DTX2: variants seen among roughly 807,000 people sequenced by gnomAD.
DTX2 encodes the protein probable E3 ubiquitin-protein ligase DTX2.
A neutral mutation model predicts 55.3 loss-of-function variants in DTX2; 29 were observed. The observed-to-expected ratio is 0.52, with a 90% CI of 0.39 to 0.71. The LOEUF (loss-of-function observed/expected upper bound fraction) is 0.71, where lower values mean the gene tolerates loss of function less well. Ranked by LOEUF, DTX2 falls within the 30% of genes least tolerant of loss-of-function variation. The pLI is 0.00. For missense variants in DTX2, 537 were observed against 822.5 expected (o/e 0.65, Z 4.25); for synonymous variants, 276 against 340.4 (o/e 0.81, Z 2.08).
chr7:76,477,066 A>G (rs952139367), intron 2 of DTX2: 1 of 150,056 alleles, frequency 6.7e-6, no homozygotes, highest in African/African-American at 2.5e-5. Context: ...CCCAGGAGTA[A>G]TTGGCTTGGA....
Position 76,482,729 on chromosome 7 carries a change from A to C in DTX2, c.490A>C (p.Lys164Gln), listed in dbSNP as rs148119060. ...VNYTTHTQTNKTSSFCRSVRR... is the reference protein window; with the variant it reads ...VNYTTHTQTNQTSSFCRSVRR... ...CTACACCACCCACACGCAGACCAAC[A>C]AGACTTCCAGCTTCTGCCGCAGCGT... Residue 164 changes from lysine (K) to glutamine (Q), a missense_variant, in exon 4 of 11, where the codon AAG (lysine) becomes CAG (glutamine). This residue lies in a region of DTX2 where 301 missense variants were observed against 396.6 expected (regional missense o/e 0.76). Coordinates refer to ENST00000430490, the MANE Select transcript of DTX2 (RefSeq NM_001102594.3). The C allele has an allele frequency of 1.9e-6, 3 of 1,613,712 alleles. No homozygotes were observed. Among genetic ancestry groups the C allele is most frequent in the Non-Finnish European group, 2.5e-6 (3 of 1,179,804 alleles).
At position 76,482,940 on chromosome 7, in the gene DTX2, C is replaced by T; in HGVS notation, c.701C>T (p.Thr234Ile). The T allele has an allele frequency of 6.2e-7, 1 of 1,613,872 alleles. No individual in the cohort carries two copies. Among genetic ancestry groups the T allele is most frequent in the Non-Finnish European group, 8.5e-7 (1 of 1,179,796 alleles). The change falls in exon 4 of 11, where the codon ACC (threonine) becomes ATC (isoleucine). Residue 234 changes from threonine to isoleucine, a missense_variant. Coordinates refer to ENST00000430490, the MANE Select transcript of DTX2 (RefSeq NM_001102594.3). ...YPVPQHPPHR[T>I]ASVFGTHQAF... ...GTCCCCCAGCACCCCCCACACAGGA[C>T]CGCTTCTGTGTTTGGGACCCACCAG...
chr7:76,480,036 C>T (rs1167052823), intron 2 of DTX2, among the ~76,000 whole-genome samples: 10 of 120,390 alleles, frequency 8.3e-5, no homozygotes, highest in Admixed American at 7.7e-4. Context: ...AGACCAGGCG[C>T]GGTGGCTCAC....
intron 2 of DTX2, chr7:76,472,262 GAC>G (rs1422844463): frequency 4.0e-5 from 6 of 148,502 alleles, no homozygotes; most frequent in Non-Finnish European, 8.9e-5. Context: ...ATAATGGTAA[GAC>G]ACAGCGGTGG....
rs1469445293 is a variant in DTX2 at position 76,499,931 on chromosome 7, G to C, written c.1151-510G>C. ...TCCCAGTCAGTGGCAGGCGTTTCCCGGGACAGTGTCTGTGTGGCGGTCGGC... is the reference window on the plus strand; with the variant it reads ...TCCCAGTCAGTGGCAGGCGTTTCCCCGGACAGTGTCTGTGTGGCGGTCGGC... On this transcript the variant is annotated intron_variant, in intron 6 of 10. Coordinates refer to ENST00000430490, the MANE Select transcript of DTX2 (RefSeq NM_001102594.3). 1.3e-3 allele frequency: 434 copies of C among 345,682 alleles called. 2 individuals are homozygous for C. Among genetic ancestry groups the C allele is most frequent in the African/African-American group, 8.4e-3 (388 of 46,288 alleles). The allele number at this position is 345,682 out of a possible 1,614,324, so 21.4% of individuals were successfully genotyped here. A position where few individuals can be genotyped will look rare whatever the true frequency, so the allele number is the denominator to read the frequency against.
intron 10 of DTX2, among the ~76,000 whole-genome samples, chr7:76,504,822 T>C (rs993569383): frequency 1.3e-5 from 2 of 151,816 alleles, no homozygotes; most frequent in African/African-American, 4.8e-5. Context: ...GGACGAGCCT[T>C]CCAGGAAGGC....
chr7:76,482,048 C>T (rs907244591), intron 3 of DTX2, among the ~76,000 whole-genome samples: 6 of 152,120 alleles, frequency 3.9e-5, no homozygotes, highest in African/African-American at 1.4e-4. Flanking sequence ...AAAACTGTGG[C>T]TGTCAGTCAG....
intron 2 of DTX2, among the ~76,000 whole-genome samples, chr7:76,467,229 A>G (rs530435926): frequency 1.2e-3 from 154 of 131,740 alleles, no homozygotes; most frequent in African/African-American, 4.4e-3. Flanking sequence ...TTGCTAGACC[A>G]TTTCCTGAAT....
chr7:76,467,902 G>T (rs570737881), intron 2 of DTX2, among the ~76,000 whole-genome samples: 88 of 152,372 alleles, frequency 5.8e-4, no homozygotes, highest in African/African-American at 1.9e-3. Flanking sequence ...GGGGACGAAG[G>T]GCATGAAACA....
intron 6 of DTX2, among the ~76,000 whole-genome samples, chr7:76,499,482 G>A (rs2690626): frequency 6.6e-6 from 1 of 151,940 alleles, no homozygotes. Context: ...TGCAGCCCCT[G>A]AAGGCCGTGA....
At chr7:76,476,550 G>GT (rs1468358790) in intron 2 of DTX2, among the ~76,000 whole-genome samples, 1 of 151,030 alleles carries the variant, frequency 6.6e-6, no homozygotes, top group East Asian at 2.0e-4. Flanking sequence ...TTGTGTTTGC[G>GT]TAAGTGCCCT....
At chr7:76,494,537 A>G (rs2530652) in intron 5 of DTX2, among the ~76,000 whole-genome samples, 3,042 of 71,044 alleles carry the variant, frequency 0.043, 820 homozygotes, top group African/African-American at 0.19. Context: ...ACACAGATCT[A>G]AGTGCTCTGG....
Position 76,479,418 on chromosome 7 carries a change from C to A in DTX2, c.-89-1003C>A, listed in dbSNP as rs1032509532. On this transcript the variant is annotated intron_variant, in intron 2 of 10. Coordinates refer to ENST00000430490, the MANE Select transcript of DTX2 (RefSeq NM_001102594.3). Reference sequence around the variant, plus strand: ...GCAATGCTTCAGGGCACCTGGGAGACATGAGGAGCTAGAACCTGTGCTGCA... The same window carrying A: ...GCAATGCTTCAGGGCACCTGGGAGAAATGAGGAGCTAGAACCTGTGCTGCA... Among the ~76,000 whole-genome samples the A allele has an allele frequency of 9.7e-5, 11 of 113,380 alleles. 1 individual carries two copies. The Admixed American group carries it at 1.0e-3, about 10-fold the overall frequency. The allele number at this position is 113,380 out of a possible 152,430, so 74.4% of individuals were successfully genotyped here.
At chr7:76,468,750 C>T (rs1464071210) in intron 2 of DTX2, among the ~76,000 whole-genome samples, 2 of 47,936 alleles carry the variant, frequency 4.2e-5, no homozygotes, top group East Asian at 1.0e-3. Flanking sequence ...TGAGCCACCA[C>T]GCCCAGCATT....
At chr7:76,466,899 A>G (rs1367122395) in intron 2 of DTX2, among the ~76,000 whole-genome samples, 4 of 150,476 alleles carry the variant, frequency 2.7e-5, no homozygotes, top group Middle Eastern at 3.5e-3. Flanking sequence ...CGCCTGGCCT[A>G]TTTCTTTCTT....
At position 76,505,486 on chromosome 7, in the gene DTX2, CAG is replaced by C. The variant is rs1563762458; in HGVS notation, c.1758_1759del (p.Glu586AspfsTer22). 1.8e-5 allele frequency: 29 copies of C among 1,609,852 alleles called. No homozygotes were observed. Among genetic ancestry groups the C allele is most frequent in the Non-Finnish European group, 2.4e-5 (28 of 1,178,258 alleles). On this transcript the variant is annotated frameshift_variant, in exon 11 of 11. Transcript: ENST00000430490. LOFTEE classifies it high-confidence loss of function. This position sits in a 1 kb window ranked among gnomAD's most constrained non-coding sequence, Gnocchi z 4.4. ...GTATGGAACGAGATCCACCACAAGA[CAG>C]AGATGGACCGCAACATTACGGGCCA...
In DTX2 at chr7:76,482,825, T is replaced by C. The variant is rs774673597; in HGVS notation, c.586T>C (p.Cys196Arg). 1 of 1,613,838 alleles carries C rather than the reference T, an allele frequency of 6.2e-7. No homozygotes were observed. Among genetic ancestry groups the C allele is most frequent in the Non-Finnish European group, 8.5e-7 (1 of 1,179,788 alleles). The change falls in exon 4 of 11, where the codon TGC (cysteine) becomes CGC (arginine). Residue 196 changes from cysteine (C) to arginine (R), a missense_variant. Cys to Arg is a radical substitution (Grantham distance 180). Transcript: ENST00000430490. ...IAPPGHTGVA[C>R]SCHQCLSGSR... The stretch of plus-strand genomic sequence containing the variant: ...TCCGCCGGGCCACACAGGCGTCGCC[T>C]GCTCTTGCCACCAGTGCCTCAGTGG...
chr7:76,477,157 C>CGCCCGCCCGCCT (rs1808639504), intron 2 of DTX2: 1 of 129,616 alleles, frequency 7.7e-6, no homozygotes, highest in South Asian at 2.8e-4. Context: ...TCCGCCCGCC[C>CGCCCGCCCGCCT]GCCCGCCCGA....
At chr7:76,503,132 A>C (rs529832992) in intron 8 of DTX2, 5 of 479,834 alleles carry the variant, frequency 1.0e-5, no homozygotes, top group Non-Finnish European at 1.5e-5. Context: ...AAGGCTGTCT[A>C]TCCGACTGCA....
Sources: allele counts gnomAD v4.1 joint callset (sites outside exome capture counted in the v4.1 genomes callset), GRCh38; gene constraint gnomAD v4.1.1; regional missense constraint gnomAD v4.1.1; non-coding constraint Gnocchi (gnomAD v3.1); transcripts MANE v1.5; gene names NCBI Gene and HGNC (gene_info 2026-07-23, HGNC 2026-07-21).